SGCD: variants seen among roughly 807,000 people sequenced by gnomAD.
SGCD encodes sarcoglycan delta.
A neutral mutation model predicts 36.6 loss-of-function variants in SGCD; 18 were observed. That is an observed-to-expected ratio of 0.49 (90% CI 0.34 to 0.73). The LOEUF is 0.73. Ranked by LOEUF, SGCD falls within the 30% of genes least tolerant of loss-of-function variation. The probability of loss-of-function intolerance (pLI) is 0.01; values close to 1 mark genes in which losing one functional copy is unlikely to be tolerated. For missense variants in SGCD, 387 were observed against 346.7 expected, an observed-to-expected ratio of 1.12 and a Z score of -0.92; for synonymous variants, 133 against 130.6, an observed-to-expected ratio of 1.02 and a Z score of -0.12.
rs112409945 is a variant in SGCD, at chr5:155,886,236, G to A, written c.-282+15812G>A. 4.6e-3 allele frequency among the ~76,000 whole-genome samples: 708 copies of A among 152,296 alleles called. 2 individuals carry two copies. Among genetic ancestry groups the A allele is most frequent in the Non-Finnish European group, 6.4e-3 (435 of 68,034 alleles). ...ATAGGATAGAATGTAAAAGCAGTACGTGCAGTTAGGTCTTATAAGGGACTG... is the reference window on the plus strand; with the variant it reads ...ATAGGATAGAATGTAAAAGCAGTACATGCAGTTAGGTCTTATAAGGGACTG... On this transcript the variant is annotated intron_variant, in intron 1 of 9. Coordinates refer to the SGCD transcript ENST00000517913.
At chr5:156,734,702 A>T in intron 7 of SGCD, among the ~76,000 whole-genome samples, 1 of 151,836 alleles carries the variant, frequency 6.6e-6, no homozygotes. Context: ...TCTGTTTTTT[A>T]CCTCTATCAG....
At chr5:156,228,159 A>G (rs1764905684) in intron 3 of SGCD, among the ~76,000 whole-genome samples, 1 of 152,092 alleles carries the variant, frequency 6.6e-6, no homozygotes, top group South Asian at 2.1e-4. Flanking sequence ...TGTTAAGTCT[A>G]TTTGTATCAA....
chr5:156,342,186 T>A (rs550473586), intron 2 of SGCD, among the ~76,000 whole-genome samples: 1 of 152,360 alleles, frequency 6.6e-6, no homozygotes, highest in East Asian at 1.9e-4. Context: ...TTATTGAACA[T>A]GTCATTTCCA....
chr5:155,848,730 G>A, the SGCD span, among the ~76,000 whole-genome samples: 4 of 152,092 alleles, frequency 2.6e-5, no homozygotes, highest in Non-Finnish European at 5.9e-5. Flanking sequence ...TGAGAGTAAA[G>A]TATCTGTGTC....
At chr5:156,154,669 T>A (rs1200572654) in intron 3 of SGCD, among the ~76,000 whole-genome samples, 1 of 151,646 alleles carries the variant, frequency 6.6e-6, no homozygotes, top group African/African-American at 2.4e-5. Context: ...AAAATTATTA[T>A]CTCCATGTGA....
intron 3 of SGCD, among the ~76,000 whole-genome samples, chr5:156,410,898 T>G (rs1030815266): frequency 2.0e-5 from 3 of 152,078 alleles, no homozygotes; most frequent in African/African-American, 7.2e-5. Context: ...CTGGACAAGA[T>G]CAACTCTCAC....
Position 156,513,134 on chromosome 5 carries a change from G to A in SGCD, c.294+4432G>A, listed in dbSNP as rs376692750. 1.2e-4 allele frequency among the ~76,000 whole-genome samples: 19 copies of A among 152,268 alleles called. No homozygotes were observed. The East Asian group carries it at 2.5e-3, about 20-fold the overall frequency. On this transcript the variant is annotated intron_variant, in intron 4 of 8. Transcript: ENST00000337851. ...ACAAAAATTGAAATCAAGTATATTG[G>A]CATGAAAAGGTGAAAGAAAAAGATT...
chr5:155,983,256 T>A (rs1758264930), intron 1 of SGCD, among the ~76,000 whole-genome samples: 1 of 152,192 alleles, frequency 6.6e-6, no homozygotes, highest in Admixed American at 6.5e-5. Context: ...CACTGAGTTT[T>A]AACAGTTAAG....
chr5:156,597,549 A>C (rs111813786), intron 6 of SGCD, among the ~76,000 whole-genome samples: 1 of 152,150 alleles, frequency 6.6e-6, no homozygotes, highest in Non-Finnish European at 1.5e-5. Context: ...CTATGATTCA[A>C]TTATCTCCAA....
At chr5:155,797,977 A>G in the SGCD span, among the ~76,000 whole-genome samples, 2 of 152,172 alleles carry the variant, frequency 1.3e-5, no homozygotes, top group South Asian at 4.1e-4. Context: ...AAAAAGTGCT[A>G]TTTCGCAAAC....
At chr5:156,163,332 G>A (rs1199000661) in intron 3 of SGCD, among the ~76,000 whole-genome samples, 1 of 151,582 alleles carries the variant, frequency 6.6e-6, no homozygotes, top group Admixed American at 6.6e-5. Flanking sequence ...GAGGAACCCT[G>A]TCAGAGTCCA....
intron 7 of SGCD, among the ~76,000 whole-genome samples, chr5:156,673,649 C>G (rs541993858): frequency 6.6e-6 from 1 of 152,158 alleles, no homozygotes; most frequent in Admixed American, 6.6e-5. Context: ...GAATTTGAAT[C>G]CCTTGACAAT....
At chr5:156,670,498 G>T (rs1454342222) in intron 7 of SGCD, among the ~76,000 whole-genome samples, 1 of 152,138 alleles carries the variant, frequency 6.6e-6, no homozygotes, top group African/African-American at 2.4e-5. Context: ...TGGGTGTATA[G>T]ACAGAAAATC....
At chr5:156,605,254 T>A (rs1761383712) in intron 6 of SGCD, among the ~76,000 whole-genome samples, 1 of 152,024 alleles carries the variant, frequency 6.6e-6, no homozygotes, top group African/African-American at 2.4e-5. Flanking sequence ...CCTGTGTCCA[T>A]GTGTTCTCAT....
chr5:156,164,807 G>T (rs945692286), intron 3 of SGCD, among the ~76,000 whole-genome samples: 2 of 152,152 alleles, frequency 1.3e-5, no homozygotes, highest in African/African-American at 2.4e-5. Context: ...GACAAAGCTG[G>T]ACAATATGGG....
At chr5:156,529,404 A>G (rs1291763721) in intron 4 of SGCD, among the ~76,000 whole-genome samples, 1 of 147,078 alleles carries the variant, frequency 6.8e-6, no homozygotes, top group Non-Finnish European at 1.5e-5. Context: ...CAGCCTGACA[A>G]CAGGGTGTGA....
intron 1 of SGCD, among the ~76,000 whole-genome samples, chr5:155,888,267 G>C (rs1373657252): frequency 6.6e-6 from 1 of 152,178 alleles, no homozygotes; most frequent in Non-Finnish European, 1.5e-5. Flanking sequence ...AAAGTAGTCA[G>C]TGGGTCACAA....
chr5:155,868,022 A>G (rs1035183772), upstream of SGCD, among the ~76,000 whole-genome samples: 3 of 152,096 alleles, frequency 2.0e-5, no homozygotes, highest in African/African-American at 2.4e-5. Flanking sequence ...AAAATTCACA[A>G]GTTAAGTTGC....
chr5:155,954,259 C>T (rs141492745), intron 1 of SGCD, among the ~76,000 whole-genome samples: 1 of 152,260 alleles, frequency 6.6e-6, no homozygotes, highest in African/African-American at 2.4e-5. Context: ...GCAAGTTTCC[C>T]TATTGCTTCT....
Sources: allele counts gnomAD v4.1 joint callset (sites outside exome capture counted in the v4.1 genomes callset), GRCh38; gene constraint gnomAD v4.1.1; transcripts MANE v1.5; gene names NCBI Gene and HGNC (gene_info 2026-07-23, HGNC 2026-07-21).